The following SKAP2 variants were observed in gnomAD, a reference collection of about 807,000 sequenced individuals.
SKAP2 encodes src kinase associated phosphoprotein 2.
A neutral mutation model predicts 54.9 loss-of-function variants in SKAP2; 28 were observed. That is an observed-to-expected ratio of 0.51 (90% CI 0.38 to 0.70). SKAP2 has a LOEUF of 0.70. Among genes scored for constraint, SKAP2 ranks in the 30% least tolerant of loss-of-function variants. The pLI, the probability that SKAP2 is intolerant of heterozygous loss-of-function variation, is 0.00. For missense variants in SKAP2, 356 were observed against 424.1 expected (o/e 0.84, Z 1.41); for synonymous variants, 137 against 134.3 (o/e 1.02, Z -0.14).
intron 11 of SKAP2, among the ~76,000 whole-genome samples, chr7:26,670,870 A>G (rs1786213451): frequency 6.6e-6 from 1 of 152,102 alleles, no homozygotes; most frequent in South Asian, 2.1e-4. Flanking sequence ...AATAGGTAGA[A>G]GGAATTTAAA....
intron 1 of SKAP2, among the ~76,000 whole-genome samples, chr7:26,860,722 T>C (rs1420935214): frequency 6.6e-6 from 1 of 152,036 alleles, no homozygotes; most frequent in Non-Finnish European, 1.5e-5. Flanking sequence ...ATACTCAGCA[T>C]TGAAAAAATT....
intron 4 of SKAP2, among the ~76,000 whole-genome samples, chr7:26,741,137 C>T (rs984344034): frequency 1.3e-5 from 2 of 151,560 alleles, no homozygotes; most frequent in Non-Finnish European, 2.9e-5. Flanking sequence ...TGTTTGAGTA[C>T]AAACATGTAA....
chr7:26,812,321 T>C (rs774429306), intron 4 of SKAP2, among the ~76,000 whole-genome samples: 1 of 152,214 alleles, frequency 6.6e-6, no homozygotes, highest in Non-Finnish European at 1.5e-5. Context: ...ACACTTTATG[T>C]CTATGTTAAT....
In SKAP2 at chr7:26,854,000, T is replaced by C. The variant is rs1470025235; in HGVS notation, c.199+137A>G. On this transcript the variant is annotated intron_variant, in intron 3 of 12. Coordinates refer to ENST00000345317, the MANE Select transcript of SKAP2 (RefSeq NM_003930.5). Reference sequence around the variant, plus strand: ...TCAGCAGGGGGAGCTAGCACTCTCATCTTGAAGGTCTAAGTACACATTACG... The same window carrying C: ...TCAGCAGGGGGAGCTAGCACTCTCACCTTGAAGGTCTAAGTACACATTACG... 5 of 582,790 alleles carry C rather than the reference T, an allele frequency of 8.6e-6. No homozygotes were observed. In the African/African-American group the frequency reaches 9.9e-5, roughly 12 times the overall value. The allele number at this position is 582,790 out of a possible 1,614,324, so 36.1% of individuals were successfully genotyped here.
intron 9 of SKAP2, among the ~76,000 whole-genome samples, chr7:26,706,887 T>C (rs1049602498): frequency 6.6e-6 from 1 of 152,226 alleles, no homozygotes; most frequent in Non-Finnish European, 1.5e-5. Flanking sequence ...AACCAAAGTG[T>C]ACATTTGGGT....
chr7:26,657,203 T>C, the SKAP2 span, among the ~76,000 whole-genome samples: 29 of 152,334 alleles, frequency 1.9e-4, no homozygotes, highest in East Asian at 5.4e-3. Flanking sequence ...ACTTGTTGTA[T>C]CAGCTATATT....
chr7:26,717,329 G>A (rs1047574297), intron 9 of SKAP2, among the ~76,000 whole-genome samples: 4 of 151,644 alleles, frequency 2.6e-5, no homozygotes, highest in African/African-American at 9.7e-5. Context: ...TGACGACATG[G>A]CAAAACACCG....
chr7:26,667,793 C>T lies in SKAP2; in HGVS notation c.*1873G>A, dbSNP rs549465854. On this transcript the variant is annotated 3_prime_UTR_variant, in exon 13 of 13. Coordinates refer to ENST00000345317, the MANE Select transcript of SKAP2 (RefSeq NM_003930.5). ...CCTAGGACTAAAAACTTCTTTTCAACCCAAAGCACAAACCCAAATCCACAA... is the reference window on the plus strand; with the variant it reads ...CCTAGGACTAAAAACTTCTTTTCAATCCAAAGCACAAACCCAAATCCACAA... The T allele has an allele frequency of 6.5e-6, 1 of 152,674 alleles. No homozygotes were observed. The highest frequency in any genetic ancestry group is 2.4e-5 in the African/African-American group (1 of 41,558). 9.5% of individuals were successfully genotyped at this position (152,674 alleles called of 1,614,324 possible). A position where few individuals can be genotyped will look rare whatever the true frequency, so the allele number is the denominator to read the frequency against.
chr7:26,837,761 A>C (rs1239885701), intron 4 of SKAP2, among the ~76,000 whole-genome samples: 1 of 147,250 alleles, frequency 6.8e-6, no homozygotes, highest in Non-Finnish European at 1.5e-5. Context: ...TACTGACCAT[A>C]CTTTGAGTAG....
chr7:26,842,398 T>C (rs1784835034), intron 4 of SKAP2, among the ~76,000 whole-genome samples: 1 of 151,704 alleles, frequency 6.6e-6, no homozygotes, highest in African/African-American at 2.4e-5. Flanking sequence ...AAAACAATAA[T>C]GTAAATGCAC....
chr7:26,748,459 G>A (rs1782604926), intron 4 of SKAP2, among the ~76,000 whole-genome samples: 1 of 151,850 alleles, frequency 6.6e-6, no homozygotes, highest in African/African-American at 2.4e-5. Flanking sequence ...ATAATATAGG[G>A]CACCCTCTGT....
chr7:26,789,447 G>A (rs985666710), intron 4 of SKAP2, among the ~76,000 whole-genome samples: 5 of 152,192 alleles, frequency 3.3e-5, no homozygotes, highest in East Asian at 1.9e-4. Context: ...TTAAGTTGAC[G>A]TACAATGCAT....
intron 4 of SKAP2, among the ~76,000 whole-genome samples, chr7:26,772,876 A>C (rs575655225): frequency 1.3e-5 from 2 of 152,346 alleles, no homozygotes; most frequent in Non-Finnish European, 2.9e-5. Flanking sequence ...GGAATATTTA[A>C]TTAATAAACT....
intron 4 of SKAP2, among the ~76,000 whole-genome samples, chr7:26,825,327 C>T (rs191938660): frequency 6.6e-6 from 1 of 151,632 alleles, no homozygotes; most frequent in Non-Finnish European, 1.5e-5. Flanking sequence ...TATGTATCTT[C>T]GCTAACTGCC....
intron 4 of SKAP2, among the ~76,000 whole-genome samples, chr7:26,783,559 TC>T (rs1385346287): frequency 6.6e-6 from 1 of 152,088 alleles, no homozygotes; most frequent in Admixed American, 6.6e-5. Flanking sequence ...TACCATATCT[TC>T]CAGGATGCCT....
chr7:26,759,393 C>A (rs1360824452), intron 4 of SKAP2, among the ~76,000 whole-genome samples: 1 of 152,128 alleles, frequency 6.6e-6, no homozygotes, highest in Non-Finnish European at 1.5e-5. Flanking sequence ...AGCAGCTAAT[C>A]CTTTGTAAAA....
chr7:26,833,740 C>G (rs893322317), intron 4 of SKAP2, among the ~76,000 whole-genome samples: 1 of 152,104 alleles, frequency 6.6e-6, no homozygotes, highest in African/African-American at 2.4e-5. Context: ...CAGAGACCCA[C>G]AAAGAGACTT....
At chr7:26,713,725 G>A (rs966140786) in intron 9 of SKAP2, among the ~76,000 whole-genome samples, 3 of 151,644 alleles carry the variant, frequency 2.0e-5, no homozygotes, top group Non-Finnish European at 4.4e-5. Context: ...TCAGCCTCCC[G>A]AGTAGCTGGG....
rs1188996545 is a variant in SKAP2, at chr7:26,864,491, G to A, written c.-62C>T. ...GCTGAAAAGGTGACCGACGGGGTGG[G>A]GCTGCGGCTGCGACCTAGACTCAGG... On this transcript the variant is annotated 5_prime_UTR_variant, in exon 1 of 13. Coordinates refer to ENST00000345317, the MANE Select transcript of SKAP2 (RefSeq NM_003930.5). The A allele has an allele frequency of 6.5e-7, 1 of 1,540,364 alleles. No individual in the cohort carries two copies. Among genetic ancestry groups the A allele is most frequent in the African/African-American group, 1.4e-5 (1 of 71,892 alleles).
Sources: allele counts gnomAD v4.1 joint callset (sites outside exome capture counted in the v4.1 genomes callset), GRCh38; gene constraint gnomAD v4.1.1; transcripts MANE v1.5; gene names NCBI Gene and HGNC (gene_info 2026-07-23, HGNC 2026-07-21).